ASTN2: variants seen among roughly 807,000 people sequenced by gnomAD.
The protein encoded by ASTN2 is astrotactin-2.
A neutral mutation model predicts 139.8 loss-of-function variants in ASTN2; 54 were observed. The observed-to-expected ratio is 0.39, with a 90% CI of 0.31 to 0.48. ASTN2 has a LOEUF of 0.48. ASTN2 is among the 20% of genes least tolerant of loss of function. The probability of loss-of-function intolerance (pLI) is 0.95; values close to 1 mark genes in which losing one functional copy is unlikely to be tolerated. For missense variants in ASTN2, 1,565 were observed against 1,725.1 expected (o/e 0.91, Z 1.64); for synonymous variants, 756 against 719.5 (o/e 1.05, Z -0.81).
intron 2 of ASTN2, among the ~76,000 whole-genome samples, chr9:117,241,609 T>C (rs1415449938): frequency 1.3e-5 from 2 of 152,120 alleles, no homozygotes; most frequent in Non-Finnish European, 2.9e-5. Flanking sequence ...CGTGGTCCTA[T>C]GAGAATCTAA....
In ASTN2 at chr9:117,182,594, T is replaced by A. The variant is rs80278025; in HGVS notation, c.1015+31764A>T. On this transcript the variant is annotated intron_variant, in intron 3 of 22. Coordinates refer to ENST00000313400, the MANE Select transcript of ASTN2 (RefSeq NM_001365068.1). ...GCCTGCCCCACCACCTCCTAATCAC[T>A]GCTTTTGTCTACAGCATTCCTGACC... 2.0e-5 allele frequency among the ~76,000 whole-genome samples: 3 copies of A among 152,320 alleles called. No homozygotes were observed. In the East Asian group the frequency reaches 5.8e-4, roughly 29 times the overall value.
intron 1 of ASTN2, among the ~76,000 whole-genome samples, chr9:117,406,703 C>T (rs574740470): frequency 5.9e-5 from 9 of 152,216 alleles, no homozygotes; most frequent in African/African-American, 2.2e-4. Context: ...ATAAGCTCTT[C>T]TCATTCTATC....
In ASTN2 at chr9:116,424,621, A is replaced by T. The variant is rs778195479; in HGVS notation, c.*1230T>A. On this transcript the variant is annotated 3_prime_UTR_variant, in exon 23 of 23. Coordinates refer to ENST00000313400, the MANE Select transcript of ASTN2 (RefSeq NM_001365068.1). ...TTTTTTTTTTTTTAAGTTGTCACCT[A>T]GGCTGGAGTCCAGTGGCTCCATGTC... Among the ~76,000 whole-genome samples the T allele has an allele frequency of 2.1e-5, 3 of 142,606 alleles. No homozygotes were observed. The highest frequency in any genetic ancestry group is 7.9e-5 in the African/African-American group (3 of 38,046). The allele number at this position is 142,606 out of a possible 152,430, so 93.6% of individuals were successfully genotyped here. A position where few individuals can be genotyped will look rare whatever the true frequency, so the allele number is the denominator to read the frequency against.
At chr9:117,240,930 A>T (rs997798429) in intron 2 of ASTN2, among the ~76,000 whole-genome samples, 1 of 151,840 alleles carries the variant, frequency 6.6e-6, no homozygotes, top group Non-Finnish European at 1.5e-5. Context: ...TAAGGCTCAC[A>T]CTCTCTCAAT....
chr9:116,790,966 GGAAAGAAAGAAA>G (rs1180188046), intron 13 of ASTN2, among the ~76,000 whole-genome samples: 5,774 of 65,502 alleles, frequency 0.088, 361 homozygotes, highest in Non-Finnish European at 0.1. Context: ...AAAGAAAGAA[GGAAAGAAAGAAA>G]GAAAGAAAGA....
intron 1 of ASTN2, among the ~76,000 whole-genome samples, chr9:117,353,773 A>T (rs1433751268): frequency 6.6e-6 from 1 of 152,132 alleles, no homozygotes; most frequent in African/African-American, 2.4e-5. Flanking sequence ...CCTTAAATGC[A>T]TATTACTAAG....
intron 3 of ASTN2, among the ~76,000 whole-genome samples, chr9:117,174,041 A>G (rs1323209725): frequency 6.6e-6 from 1 of 151,904 alleles, no homozygotes; most frequent in Non-Finnish European, 1.5e-5. Context: ...GACAAGGCAT[A>G]AAAACAAAAT....
At chr9:117,114,030 GA>G (rs11284089) in intron 4 of ASTN2, among the ~76,000 whole-genome samples, 10,505 of 151,896 alleles carry the variant, frequency 0.069, 626 homozygotes, top group East Asian at 0.18. Context: ...GTTGCATGTA[GA>G]AAAATATAAG....
intron 2 of ASTN2, among the ~76,000 whole-genome samples, chr9:117,282,137 C>G (rs1441815894): frequency 6.6e-6 from 1 of 152,034 alleles, no homozygotes; most frequent in Admixed American, 6.6e-5. Context: ...CTTTATTTTT[C>G]TATGTCTCTC....
intron 16 of ASTN2, among the ~76,000 whole-genome samples, chr9:116,657,384 T>C (rs1342367514): frequency 6.6e-6 from 1 of 152,242 alleles, no homozygotes; most frequent in Non-Finnish European, 1.5e-5. Flanking sequence ...CATAATTACA[T>C]TGCTGTTGTT....
intron 1 of ASTN2, among the ~76,000 whole-genome samples, chr9:117,293,895 G>A (rs754471173): frequency 4.6e-5 from 7 of 152,242 alleles, no homozygotes; most frequent in African/African-American, 7.2e-5. Flanking sequence ...TGGCTAGGCA[G>A]GCACTCCACG....
chr9:117,192,130 A>T (rs1831365692), intron 3 of ASTN2, among the ~76,000 whole-genome samples: 1 of 152,096 alleles, frequency 6.6e-6, no homozygotes, highest in Non-Finnish European at 1.5e-5. Context: ...GACAGCTCAG[A>T]GGATGGCTAT....
chr9:116,427,978 G>GA (rs1299141336), intron 22 of ASTN2, among the ~76,000 whole-genome samples: 1 of 152,218 alleles, frequency 6.6e-6, no homozygotes, highest in Non-Finnish European at 1.5e-5. Context: ...AGGCTGTTGT[G>GA]AAGTTGAAGG....
chr9:117,291,178 G>T, intron 2 of ASTN2, 148 bp downstream of exon 2: 20 of 1,042,048 alleles, frequency 1.9e-5, no homozygotes, highest in Non-Finnish European at 2.7e-5. Context: ...TGACATCACA[G>T]AATCCATCTG....
intron 10 of ASTN2, among the ~76,000 whole-genome samples, chr9:116,903,998 T>G (rs890559824): frequency 6.6e-6 from 1 of 152,218 alleles, no homozygotes; most frequent in African/African-American, 2.4e-5. Context: ...GATCATTAGT[T>G]GCATTTGAAA....
intron 20 of ASTN2, among the ~76,000 whole-genome samples, chr9:116,457,144 T>C (rs1394967759): frequency 6.6e-6 from 1 of 152,158 alleles, no homozygotes; most frequent in Non-Finnish European, 1.5e-5. Context: ...AAACTGGGTA[T>C]CCATATATCA....
At chr9:116,610,473 G>A (rs1380090304) in intron 19 of ASTN2, among the ~76,000 whole-genome samples, 5 of 151,992 alleles carry the variant, frequency 3.3e-5, no homozygotes, top group Non-Finnish European at 4.4e-5. Context: ...GGGTGGTGGC[G>A]GGTGCCTGTA....
At chr9:117,149,180 C>A (rs10983549) in intron 3 of ASTN2, among the ~76,000 whole-genome samples, 19,513 of 151,768 alleles carry the variant, frequency 0.13, 1,545 homozygotes, top group Non-Finnish European at 0.18. Flanking sequence ...CCACCATGTC[C>A]GGCTAATTTT....
intron 19 of ASTN2, among the ~76,000 whole-genome samples, chr9:116,499,281 G>A (rs1243339542): frequency 2.0e-5 from 3 of 152,128 alleles, no homozygotes; most frequent in African/African-American, 7.2e-5. Context: ...CAGAGTGTGG[G>A]GGGCACAGTA....
Sources: allele counts gnomAD v4.1 joint callset (sites outside exome capture counted in the v4.1 genomes callset), GRCh38; gene constraint gnomAD v4.1.1; transcripts MANE v1.5; gene names NCBI Gene and HGNC (gene_info 2026-07-23, HGNC 2026-07-21).